Variants in PAGE5 observed in about 807,000 individuals in gnomAD.
PAGE5 encodes the protein P antigen family member 5.
A neutral mutation model predicts 8.1 loss-of-function variants in PAGE5; 8 were observed. That is an observed-to-expected ratio of 0.98 (90% confidence interval 0.58 to 1.77). The LOEUF (loss-of-function observed/expected upper bound fraction) is 1.77, where lower values mean the gene tolerates loss of function less well. Ranked by LOEUF, PAGE5 falls within the 40% of genes most tolerant of loss-of-function variation. The pLI, the probability that PAGE5 is intolerant of heterozygous loss-of-function variation, is 0.00. For missense variants in PAGE5, 64 were observed against 77.6 expected, an observed-to-expected ratio of 0.82 and a Z score of 0.66; for synonymous variants, 30 against 27.0, an observed-to-expected ratio of 1.11 and a Z score of -0.35.
intron 4 of PAGE5, among the ~76,000 whole-genome samples, chrX:55,223,405 G>A (rs1937918334): frequency 8.9e-6 from 1 of 111,906 alleles, no homozygotes; most frequent in Admixed American, 9.5e-5. Flanking sequence ...TGTATAAACT[G>A]AAATGCTTTT....
chrX:55,222,314 G>A (rs1262455024), intron 3 of PAGE5, among the ~76,000 whole-genome samples: 1 of 111,776 alleles, frequency 8.9e-6, no homozygotes, highest in Non-Finnish European at 1.9e-5. Context: ...CTAAGCGCCG[G>A]AGATGTCAGT....
At chrX:55,221,249 T>A in intron 1 of PAGE5, 126 bp from the exon 2 acceptor site, 1 of 625,249 alleles carries the variant, frequency 1.6e-6, no homozygotes, top group Non-Finnish European at 2.5e-6. Flanking sequence ...TTATCAATGC[T>A]CTGTGACTTA....
chrX:55,222,423 C>G (rs1569549473), intron 3 of PAGE5, among the ~76,000 whole-genome samples, 198 bp from the exon 4 acceptor site: 1 of 112,033 alleles, frequency 8.9e-6, no homozygotes, highest in Non-Finnish European at 1.9e-5. Flanking sequence ...ACAAAAGGAA[C>G]AAGTAAGTTG....
At chrX:55,221,080 C>T (rs1937885146) in intron 1 of PAGE5, among the ~76,000 whole-genome samples, 2 of 110,478 alleles carry the variant, frequency 1.8e-5, no homozygotes, top group South Asian at 8.0e-4. Context: ...ATTTTCTGCC[C>T]GTTTTTTTCC....
chrX:55,221,497 C>A, intron 2 of PAGE5, 34 bp downstream of exon 2: 1 of 1,165,475 alleles, frequency 8.6e-7, no homozygotes, highest in Non-Finnish European at 1.2e-6. Flanking sequence ...TTTCTATTAA[C>A]ACATTTTATT....
intron 1 of PAGE5, chrX:55,220,667 G>T (rs1937879465): frequency 8.4e-7 from 1 of 1,193,444 alleles, no homozygotes; most frequent in Non-Finnish European, 1.1e-6. Context: ...CCGTGGAGGG[G>T]GTAGATCGCC....
At chrX:55,221,128 A>C (rs1430662385) in intron 1 of PAGE5, among the ~76,000 whole-genome samples, 2 of 111,214 alleles carry the variant, frequency 1.8e-5, no homozygotes, top group Admixed American at 9.6e-5. Flanking sequence ...TTGTGAAGCC[A>C]AAACTCAGAA....
At chrX:55,220,507 G>T in intron 1 of PAGE5, 55 bp downstream of exon 1, 1 of 863,670 alleles carries the variant, frequency 1.2e-6, no homozygotes, top group Non-Finnish European at 1.7e-6. Flanking sequence ...ATGTGTGGAG[G>T]AGCCAGCGGG....
At chrX:55,220,641 G>A (rs1937878796) in intron 1 of PAGE5, 189 bp downstream of exon 1, 1 of 1,202,000 alleles carries the variant, frequency 8.3e-7, no homozygotes, top group South Asian at 1.8e-5. Flanking sequence ...GGGCTGGAAC[G>A]AGGGAGGAAG....
rs1937872988 is a variant in PAGE5, at chrX:55,220,378, T to C, written c.-83T>C. 1.5e-5 allele frequency: 6 copies of C among 409,657 alleles called. No homozygotes were observed. Among genetic ancestry groups the C allele is most frequent in the African/African-American group, 2.5e-5 (1 of 40,084 alleles). 33.8% of individuals were successfully genotyped at this position (409,657 alleles called of 1,213,427 possible). ...CTAGGCAGAGCTCTGCAAGGAGAGG[T>C]TGTGTCTTCGTTCTTTCCGCCATCT... On this transcript the variant is annotated 5_prime_UTR_variant, in exon 1 of 5. Coordinates refer to ENST00000374955, the MANE Select transcript of PAGE5 (RefSeq NM_001013435.3).
intron 1 of PAGE5, among the ~76,000 whole-genome samples, 155 bp from the exon 2 acceptor site, chrX:55,221,220 G>C (rs1331296743): frequency 1.8e-5 from 2 of 111,969 alleles, no homozygotes; most frequent in Admixed American, 9.5e-5. Flanking sequence ...TCCTTAGTTT[G>C]ATTGGAAAGC....
chrX:55,220,514 C>T (rs1276842890), intron 1 of PAGE5, 62 bp downstream of exon 1: 3 of 947,218 alleles, frequency 3.2e-6, no homozygotes, highest in Non-Finnish European at 4.5e-6. Flanking sequence ...GAGGAGCCAG[C>T]GGGCTTAGGA....
chrX:55,221,661 A>C (rs780062677), intron 2 of PAGE5, 106 bp from the exon 3 acceptor site: 7 of 918,636 alleles, frequency 7.6e-6, no homozygotes, highest in African/African-American at 5.9e-5. Context: ...CTCTCTCTAT[A>C]TATATATCTA....
intron 1 of PAGE5, among the ~76,000 whole-genome samples, chrX:55,221,147 T>C (rs1937885768): frequency 1.8e-5 from 2 of 111,548 alleles, no homozygotes; most frequent in Admixed American, 1.9e-4. Flanking sequence ...AAAAGTCCTC[T>C]GTCTTTTGCT....
rs760626020 is a variant in PAGE5 at position 55,224,106 on chromosome X, A to C, written c.*103A>C. ...AATAAAGTTTTACAGTTTTCTGCAA[A>C]GACTTCTGCACTTTTTTGTTAAATT... On this transcript the variant is annotated 3_prime_UTR_variant, in exon 5 of 5. Transcript: ENST00000374955. 6.0e-5 allele frequency: 35 copies of C among 583,392 alleles called. No individual in the cohort carries two copies. The African/African-American group carries it at 7.7e-4, about 13-fold the overall frequency. The allele number at this position is 583,392 out of a possible 1,213,427, so 48.1% of individuals were successfully genotyped here.
chrX:55,220,467 T>C lies in PAGE5; in HGVS notation c.-9+15T>C. The stretch of plus-strand genomic sequence containing the variant: ...AGACTCAGCCGGTAGGTCTGCAGAG[T>C]GGTCTTCCTGGTAATTTAGTTGTGA... On this transcript the variant is annotated intron_variant, in intron 1 of 4. Transcript: ENST00000374955. The C allele has an allele frequency of 8.6e-6, 5 of 584,628 alleles. No individual in the cohort carries two copies. The highest frequency in any genetic ancestry group is 2.5e-5 in the South Asian group (1 of 39,734). 48.2% of individuals were successfully genotyped at this position (584,628 alleles called of 1,213,427 possible).
At chrX:55,221,922 T>G (rs1179964957) in intron 3 of PAGE5, 47 bp downstream of exon 3, 5 of 1,112,429 alleles carry the variant, frequency 4.5e-6, no homozygotes, top group Non-Finnish European at 6.1e-6. Context: ...GGAGGTCTAT[T>G]TATGCATTAT....
intron 4 of PAGE5, among the ~76,000 whole-genome samples, chrX:55,223,004 T>G (rs1191254772): frequency 9.0e-6 from 1 of 111,371 alleles, no homozygotes; most frequent in Non-Finnish European, 1.9e-5. Context: ...CTTCAAGAGA[T>G]AGAATAAATT....
intron 1 of PAGE5, 54 bp from the exon 2 acceptor site, chrX:55,221,321 A>T: frequency 9.4e-7 from 1 of 1,062,290 alleles, no homozygotes; most frequent in Non-Finnish European, 1.3e-6. Flanking sequence ...GAATGTTCAT[A>T]TATATAGCTA....
Sources: allele counts gnomAD v4.1 joint callset (sites outside exome capture counted in the v4.1 genomes callset), GRCh38; gene constraint gnomAD v4.1.1; transcripts MANE v1.5; gene names NCBI Gene and HGNC (gene_info 2026-07-23, HGNC 2026-07-21).